NLGN4Y: variants seen among roughly 807,000 people sequenced by gnomAD.
NLGN4Y encodes neuroligin-4, Y-linked.
In NLGN4Y, 4 loss-of-function variants were observed where a neutral mutation model predicts 8.4. The observed-to-expected ratio is 0.48, with a 90% CI of 0.23 to 1.09. NLGN4Y has a LOEUF of 1.09. NLGN4Y is among the 50% of genes least tolerant of loss of function. NLGN4Y has a pLI of 0.19. For synonymous variants in NLGN4Y, 35 were observed against 75.6 expected, an observed-to-expected ratio of 0.46 and a Z score of 2.78; for missense variants, 90 against 192.3, an observed-to-expected ratio of 0.47 and a Z score of 3.15.
At chrY:14,611,621 T>C (rs950621118) in intron 1 of NLGN4Y, among the ~76,000 whole-genome samples, 1 of 30,297 alleles carries the variant, frequency 3.3e-5, no homozygotes, top group Non-Finnish European at 7.8e-5. Flanking sequence ...TGGCCTGCAC[T>C]CTCTTCTGGC....
At chrY:14,705,079 C>A in intron 2 of NLGN4Y, among the ~76,000 whole-genome samples, 1 of 32,291 alleles carries the variant, frequency 3.1e-5, no homozygotes, top group Admixed American at 2.9e-4. Flanking sequence ...TGCATGATAT[C>A]TTCCTTCCAA....
upstream of NLGN4Y, chrY:14,523,462 T>C (rs1384951232): frequency 9.2e-6 from 1 of 109,027 alleles, no homozygotes; most frequent in South Asian, 4.2e-5. Flanking sequence ...AGTGTACACA[T>C]ACACACACAC....
intron 2 of NLGN4Y, among the ~76,000 whole-genome samples, chrY:14,699,624 C>T (rs2080842758): frequency 9.1e-5 from 3 of 33,041 alleles, no homozygotes; most frequent in Non-Finnish European, 2.2e-4. Context: ...TTTCCCATCC[C>T]TTCAATTGAA....
At chrY:14,746,762 C>T (rs376160892) in intron 4 of NLGN4Y, among the ~76,000 whole-genome samples, 252 of 32,891 alleles carry the variant, frequency 7.7e-3, no homozygotes, top group Middle Eastern at 0.028. Context: ...AAACCCTGCT[C>T]TAAGTCAATG....
At chrY:14,670,781 A>T (rs2080707644) in intron 2 of NLGN4Y, among the ~76,000 whole-genome samples, 1 of 33,890 alleles carries the variant, frequency 3.0e-5, no homozygotes, top group African/African-American at 1.1e-4. Context: ...GGCAGAGAAT[A>T]ATACATAAAT....
chrY:14,549,020 A>T, intron 1 of NLGN4Y, among the ~76,000 whole-genome samples: 1 of 32,105 alleles, frequency 3.1e-5, no homozygotes, highest in Non-Finnish European at 7.5e-5. Context: ...TTCCCCTCCA[A>T]GTTTCTTCCT....
At chrY:14,806,823 C>A (rs2043059099) in intron 4 of NLGN4Y, among the ~76,000 whole-genome samples, 2 of 27,690 alleles carry the variant, frequency 7.2e-5, no homozygotes, top group African/African-American at 2.7e-4. Flanking sequence ...GATCAAACAT[C>A]CCTCCTGCTT....
chrY:14,607,367 A>G (rs2080450586), intron 1 of NLGN4Y, among the ~76,000 whole-genome samples: 1 of 32,202 alleles, frequency 3.1e-5, no homozygotes, highest in Non-Finnish European at 7.6e-5. Context: ...TCCCAGTGCT[A>G]TCTTTACCTT....
intron 4 of NLGN4Y, among the ~76,000 whole-genome samples, chrY:14,730,657 A>T: frequency 6.1e-5 from 2 of 33,002 alleles, no homozygotes; most frequent in African/African-American, 1.2e-4. Context: ...GCTCCCACTT[A>T]TAAGTGAGAA....
intron 1 of NLGN4Y, among the ~76,000 whole-genome samples, chrY:14,598,396 C>T (rs2080413411): frequency 1.5e-4 from 5 of 33,733 alleles, no homozygotes; most frequent in South Asian, 6.8e-4. Context: ...GGTGGGCCAG[C>T]GCTGCTGGGG....
intron 4 of NLGN4Y, 119 bp from the exon 5 acceptor site, chrY:14,824,069 G>A: frequency 4.6e-6 from 1 of 216,126 alleles, no homozygotes. Flanking sequence ...TCTAATTTGT[G>A]GGGGACAGGG....
At chrY:14,692,156 A>G in intron 2 of NLGN4Y, among the ~76,000 whole-genome samples, 1 of 33,254 alleles carries the variant, frequency 3.0e-5, no homozygotes, top group Non-Finnish European at 7.4e-5. Context: ...CTAATTGCAT[A>G]TTACAATGAC....
intron 4 of NLGN4Y, chrY:14,748,821 A>G: frequency 2.0e-5 from 2 of 101,586 alleles, no homozygotes; most frequent in Non-Finnish European, 4.0e-5. Flanking sequence ...GAAAGGAGGA[A>G]AAGAATCCCC....
intron 4 of NLGN4Y, among the ~76,000 whole-genome samples, chrY:14,807,290 C>T: frequency 3.2e-5 from 1 of 31,656 alleles, no homozygotes; most frequent in Non-Finnish European, 7.6e-5. Flanking sequence ...ATTTACTTTG[C>T]TACTGTATGT....
At chrY:14,547,479 C>T (rs2080176686) in intron 1 of NLGN4Y, among the ~76,000 whole-genome samples, 1 of 33,747 alleles carries the variant, frequency 3.0e-5, no homozygotes. Flanking sequence ...GCTAGACTAT[C>T]ACAGAAGCTC....
chrY:14,674,713 C>T (rs924414931), intron 2 of NLGN4Y, among the ~76,000 whole-genome samples: 17 of 32,023 alleles, frequency 5.3e-4, no homozygotes, highest in African/African-American at 2.1e-3. Context: ...AATATATTGA[C>T]TTGATTTCTA....
intron 4 of NLGN4Y, among the ~76,000 whole-genome samples, chrY:14,804,898 A>G (rs2043051219): frequency 1.2e-4 from 4 of 33,680 alleles, no homozygotes; most frequent in Admixed American, 1.1e-3. Context: ...GAGCTCAGGC[A>G]GTCATTTGGG....
At chrY:14,628,465 A>T in intron 2 of NLGN4Y, among the ~76,000 whole-genome samples, 1 of 34,118 alleles carries the variant, frequency 2.9e-5, no homozygotes, top group Admixed American at 2.7e-4. Context: ...TAGTAAACGT[A>T]GAGGTAGATG....
At chrY:14,565,964 G>A (rs536845230) in intron 1 of NLGN4Y, among the ~76,000 whole-genome samples, 1 of 33,135 alleles carries the variant, frequency 3.0e-5, no homozygotes, top group Non-Finnish European at 7.4e-5. Context: ...TTACAGACAA[G>A]CATAGGCTGA....
Sources: allele counts gnomAD v4.1 joint callset (sites outside exome capture counted in the v4.1 genomes callset), GRCh38; gene constraint gnomAD v4.1.1; transcripts MANE v1.5; gene names NCBI Gene and HGNC (gene_info 2026-07-23, HGNC 2026-07-21).